SPOP: variants seen among roughly 807,000 people sequenced by gnomAD.
The protein encoded by SPOP is speckle-type POZ protein.
In SPOP, 11 loss-of-function variants were observed where a neutral mutation model predicts 45.6. The observed-to-expected ratio is 0.24, with a 90% CI of 0.15 to 0.40. SPOP has a LOEUF of 0.40. SPOP is among the 10% of genes least tolerant of loss of function. The pLI is 1.00. For missense variants in SPOP, 152 were observed against 465.6 expected, an observed-to-expected ratio of 0.33 and a Z score of 6.20; for synonymous variants, 166 against 166.3, an observed-to-expected ratio of 1.00 and a Z score of 0.01.
Position 49,619,460 on chromosome 17 carries a change from G to A in SPOP, c.201-75C>T, listed in dbSNP as rs1476837473. 2.7e-6 allele frequency: 4 copies of A among 1,480,814 alleles called. No homozygotes were observed. Among genetic ancestry groups the A allele is most frequent in the African/African-American group, 1.4e-5 (1 of 70,544 alleles). 91.7% of individuals were successfully genotyped at this position (1,480,814 alleles called of 1,614,324 possible). On this transcript the variant is annotated intron_variant, in intron 3 of 9. Transcript: ENST00000504102. This position sits in a 1 kb window ranked among gnomAD's most constrained non-coding sequence, Gnocchi z 4.9. ...AGAACTGGAAATCAGACTCAAGAGAGGGAGATGTTTAAAAAACAAATGCAG... is the reference window on the plus strand; with the variant it reads ...AGAACTGGAAATCAGACTCAAGAGAAGGAGATGTTTAAAAAACAAATGCAG...
At chr17:49,627,055 T>C (rs2072347948) in intron 1 of SPOP, among the ~76,000 whole-genome samples, 1 of 152,180 alleles carries the variant, frequency 6.6e-6, no homozygotes, top group Non-Finnish European at 1.5e-5. Flanking sequence ...TTCACCATGT[T>C]AGCCAGGATG....
chr17:49,624,308 AACAC>A (rs958798628), intron 1 of SPOP, among the ~76,000 whole-genome samples: 10 of 136,446 alleles, frequency 7.3e-5, no homozygotes, highest in South Asian at 7.1e-4. Flanking sequence ...CCTACGCGGG[AACAC>A]ACACACACGC....
At chr17:49,621,903 C>A (rs774803701) in intron 3 of SPOP, 43 bp downstream of exon 3, 2 of 1,604,576 alleles carry the variant, frequency 1.2e-6, no homozygotes, top group Non-Finnish European at 8.5e-7. Flanking sequence ...ACAAAACAGA[C>A]AACTTCAGAA....
intron 8 of SPOP, among the ~76,000 whole-genome samples, chr17:49,606,544 G>A (rs1172318719): frequency 1.4e-5 from 2 of 141,380 alleles, no homozygotes; most frequent in East Asian, 4.1e-4. Flanking sequence ...TGTTGCCCAG[G>A]CTGGAGTGGC....
chr17:49,649,097 A>G (rs998608575), intron 1 of SPOP, among the ~76,000 whole-genome samples: 1 of 152,148 alleles, frequency 6.6e-6, no homozygotes, highest in African/African-American at 2.4e-5. Flanking sequence ...TTAATCTTAG[A>G]AAATTTTCCT....
intron 1 of SPOP, among the ~76,000 whole-genome samples, chr17:49,652,351 C>T (rs2072854100): frequency 6.6e-6 from 1 of 152,150 alleles, no homozygotes; most frequent in Non-Finnish European, 1.5e-5. Context: ...GTTTCTATTG[C>T]TTGTGCCTAA....
intron 1 of SPOP, among the ~76,000 whole-genome samples, chr17:49,650,280 C>T (rs1023796983): frequency 1.3e-5 from 2 of 151,952 alleles, no homozygotes; most frequent in Non-Finnish European, 1.5e-5. Flanking sequence ...GAGAAATTGG[C>T]TTATAAATAG....
rs1027951043 is a variant in SPOP at position 49,649,822 on chromosome 17, C to G, written c.-66-26946G>C. ...CCAGCCTGGGCGACAGAGAGAGACT[C>G]CATCTCAAAAAAAAGAAAAAAAGAA... On this transcript the variant is annotated intron_variant, in intron 1 of 9. Transcript: ENST00000504102. Among the ~76,000 whole-genome samples the G allele has an allele frequency of 2.6e-5, 4 of 151,894 alleles. No individual in the cohort carries two copies. The South Asian group carries it at 8.3e-4, about 32-fold the overall frequency.
At chr17:49,601,792 T>A in intron 9 of SPOP, 73 bp downstream of exon 9, 11 of 1,579,578 alleles carry the variant, frequency 7.0e-6, no homozygotes, top group Non-Finnish European at 7.8e-6. Context: ...CTTTACCCAC[T>A]AATTCAAAGC....
intron 1 of SPOP, among the ~76,000 whole-genome samples, chr17:49,628,862 C>A (rs2072392820): frequency 6.6e-6 from 1 of 152,144 alleles, no homozygotes; most frequent in South Asian, 2.1e-4. Context: ...CTGTAGACTT[C>A]AAGCTCCTTA....
chr17:49,634,591 T>C (rs1367039691), intron 1 of SPOP, among the ~76,000 whole-genome samples: 1 of 152,230 alleles, frequency 6.6e-6, no homozygotes, highest in East Asian at 1.9e-4. Flanking sequence ...CTGGCCCTAA[T>C]ACTATTTAAG....
chr17:49,625,535 G>A (rs1597933241), intron 1 of SPOP, among the ~76,000 whole-genome samples: 2 of 152,290 alleles, frequency 1.3e-5, no homozygotes, highest in East Asian at 1.9e-4. Context: ...TTGAACCTGG[G>A]AGGCGGAGGT....
chr17:49,671,807 GC>G (rs1252897120), intron 1 of SPOP, among the ~76,000 whole-genome samples: 2 of 152,096 alleles, frequency 1.3e-5, no homozygotes, highest in Non-Finnish European at 2.9e-5. Context: ...GGAGTTTGAG[GC>G]CAGCCTGGCC....
At chr17:49,624,842 T>TAA (rs79231250) in intron 1 of SPOP, among the ~76,000 whole-genome samples, 3 of 71,858 alleles carry the variant, frequency 4.2e-5, no homozygotes, top group South Asian at 4.4e-4. Flanking sequence ...AAAGACAAAC[T>TAA]AAAAAAAAAA....
rs1387479752 is a variant in SPOP at position 49,619,450 on chromosome 17, A to C, written c.201-65T>G. 3.9e-6 allele frequency: 6 copies of C among 1,526,244 alleles called. No homozygotes were observed. The highest frequency in any genetic ancestry group is 5.3e-6 in the Non-Finnish European group (6 of 1,132,946). 94.5% of individuals were successfully genotyped at this position (1,526,244 alleles called of 1,614,324 possible). On this transcript the variant is annotated intron_variant, in intron 3 of 9. Coordinates refer to ENST00000504102, the MANE Select transcript of SPOP (RefSeq NM_001007228.2). The surrounding 1 kb of genome is among the most constrained non-coding windows in gnomAD (Gnocchi z 4.9). ...CCATTTTGATAGAACTGGAAATCAGACTCAAGAGAGGGAGATGTTTAAAAA... is the reference window on the plus strand; with the variant it reads ...CCATTTTGATAGAACTGGAAATCAGCCTCAAGAGAGGGAGATGTTTAAAAA...
intron 6 of SPOP, among the ~76,000 whole-genome samples, chr17:49,609,536 T>C (rs977649473): frequency 5.3e-5 from 8 of 151,918 alleles, no homozygotes; most frequent in Non-Finnish European, 7.4e-5. Context: ...GGCTCACCAA[T>C]GTATAAAGGG....
intron 1 of SPOP, among the ~76,000 whole-genome samples, chr17:49,664,927 T>G (rs1324121466): frequency 6.6e-6 from 1 of 152,228 alleles, no homozygotes; most frequent in Non-Finnish European, 1.5e-5. Context: ...CAACAGCTAT[T>G]TCCTTTTTCC....
chr17:49,666,578 A>G (rs1029582780), intron 1 of SPOP, among the ~76,000 whole-genome samples: 3 of 152,108 alleles, frequency 2.0e-5, no homozygotes, highest in African/African-American at 7.2e-5. Context: ...CTGTAATCCC[A>G]GTACTTTGAA....
chr17:49,610,747 C>G (rs1597911417), intron 6 of SPOP, among the ~76,000 whole-genome samples: 2 of 152,302 alleles, frequency 1.3e-5, no homozygotes, highest in African/African-American at 4.8e-5. Flanking sequence ...GTCAGTCCTT[C>G]CTCATCAGTT....
Sources: allele counts gnomAD v4.1 joint callset (sites outside exome capture counted in the v4.1 genomes callset), GRCh38; gene constraint gnomAD v4.1.1; non-coding constraint Gnocchi (gnomAD v3.1); transcripts MANE v1.5; gene names NCBI Gene and HGNC (gene_info 2026-07-23, HGNC 2026-07-21).